NOTCH1: variants seen among roughly 807,000 people sequenced by gnomAD.
NOTCH1 encodes notch receptor 1, also known as neurogenic locus notch homolog protein 1.
Under a neutral mutation model 254.8 loss-of-function variants are expected in NOTCH1, and 37 were observed. That is an observed-to-expected ratio of 0.15 (90% confidence interval 0.11 to 0.19). NOTCH1 has a LOEUF of 0.19. Ranked by LOEUF, NOTCH1 falls within the 10% of genes least tolerant of loss-of-function variation. NOTCH1 has a pLI of 1.00. For synonymous variants in NOTCH1, 1,731 were observed against 1,618.1 expected (o/e 1.07, Z -1.68); for missense variants, 2,972 against 3,708.6 (o/e 0.80, Z 5.16).
rs375190395 is a variant in NOTCH1 at position 136,507,962 on chromosome 9, G to A, written c.3503C>T (p.Ser1168Phe). ...CCTAGGAGGGACCCCCACCTTGCAGGAGTAGCCGCCCAGGTAGTCCGTGCA... is the reference window on the plus strand; with the variant it reads ...CCTAGGAGGGACCCCCACCTTGCAGAAGTAGCCGCCCAGGTAGTCCGTGCA... ...ATCTDYLGGY[S>F]CKCVAGYHGV... The change falls in exon 21 of 34, where the codon TCC becomes TTC. Residue 1168 changes from serine (S) to phenylalanine (F), a missense_variant. By Grantham distance (155) the Ser-to-Phe change is radical. Transcript: ENST00000651671. The A allele has an allele frequency of 4.3e-6, 7 of 1,612,442 alleles. No homozygotes were observed. In the East Asian group the frequency reaches 6.7e-5, roughly 15 times the overall value.
Position 136,518,228 on chromosome 9 carries a change from G to A in NOTCH1, c.1164C>T (p.Asp388=), listed in dbSNP as rs1436323221. The A allele has an allele frequency of 6.2e-7, 1 of 1,609,906 alleles. No individual in the cohort carries two copies. Among genetic ancestry groups the A allele is most frequent in the Non-Finnish European group, 8.5e-7 (1 of 1,178,714 alleles). The change falls in exon 7 of 34, where the codon GAC becomes GAT. Residue 388 remains aspartate, a synonymous_variant. Transcript: ENST00000651671. Reference sequence around the variant, plus strand: ...TGGCCTTGCCATTGACAGGGTTGGTGTCGCAGTTGGAGCCCTCGTTACAGG... The same window carrying A: ...TGGCCTTGCCATTGACAGGGTTGGTATCGCAGTTGGAGCCCTCGTTACAGG... ...SNPCNEGSNC[D]TNPVNGKAIC...
Position 136,523,739 on chromosome 9 carries a change from G to A in NOTCH1, c.381C>T (p.Cys127=), listed in dbSNP as rs1296283799. The change falls in exon 3 of 34, where the codon TGC becomes TGT. Residue 127 remains cysteine (C), a synonymous_variant. Coordinates refer to ENST00000651671, the MANE Select transcript of NOTCH1 (RefSeq NM_017617.5). ...CACCTGACCAGCCGGGCGGGCAGCG[G>A]CACTTGTACTCCGTCAGCGTGAGCA... ...CDLLTLTEYK[C]RCPPGWSGKS... The A allele has an allele frequency of 6.2e-7, 1 of 1,609,558 alleles. No homozygotes were observed. Among genetic ancestry groups the A allele is most frequent in the African/African-American group, 1.3e-5 (1 of 75,008 alleles).
intron 31 of NOTCH1, among the ~76,000 whole-genome samples, chr9:136,499,484 A>G (rs1378441308): frequency 6.6e-6 from 1 of 152,234 alleles, no homozygotes; most frequent in Non-Finnish European, 1.5e-5. Flanking sequence ...CCTTGGTGAC[A>G]GTGGGATCCA....
chr9:136,515,700 G>A lies in NOTCH1; in HGVS notation c.1686C>T (p.His562=), dbSNP rs1843256256. The change falls in exon 11 of 34, where the codon CAC becomes CAT. Residue 562 remains histidine, a synonymous_variant. Coordinates refer to ENST00000651671, the MANE Select transcript of NOTCH1 (RefSeq NM_017617.5). The stretch of plus-strand genomic sequence containing the variant: ...CGCACTCATCGATGTCCACCTCGCA[G>A]TGCGTCCCCGTGTACCCTGGACCGT... ...CVCTEGYTGT[H]CEVDIDECDP... The A allele has an allele frequency of 1.3e-6, 2 of 1,542,210 alleles. No individual in the cohort carries two copies. Among genetic ancestry groups the A allele is most frequent in the East Asian group, 4.9e-5 (2 of 41,224 alleles).
Position 136,522,838 on chromosome 9 carries a change from G to A in NOTCH1, c.742+12C>T, listed in dbSNP as rs1303732934. On this transcript the variant is annotated intron_variant, in intron 4 of 33. Coordinates refer to ENST00000651671, the MANE Select transcript of NOTCH1 (RefSeq NM_017617.5). ...GAGGGGCTCGTGCACCCCGGCCAGC[G>A]GGCAGCACTACCTGGCAGGCAGGCA... The A allele has an allele frequency of 2.2e-5, 32 of 1,476,154 alleles. No homozygotes were observed. Among genetic ancestry groups the A allele is most frequent in the South Asian group, 9.5e-5 (7 of 73,946 alleles). 91.4% of individuals were successfully genotyped at this position (1,476,154 alleles called of 1,614,324 possible).
chr9:136,501,134 G>A (rs1304130701), intron 30 of NOTCH1, among the ~76,000 whole-genome samples: 1 of 152,244 alleles, frequency 6.6e-6, no homozygotes, highest in Non-Finnish European at 1.5e-5. Flanking sequence ...GAAGCATGCA[G>A]TTAGAAAATT....
Position 136,545,890 on chromosome 9 carries a change from C to G in NOTCH1, c.-104G>C, listed in dbSNP as rs1284333291. 2.1e-6 allele frequency: 1 copy of G among 467,812 alleles called. No homozygotes were observed. The highest frequency in any genetic ancestry group is 2.1e-5 in the African/African-American group (1 of 47,442). The allele number at this position is 467,812 out of a possible 1,614,324, so 29.0% of individuals were successfully genotyped here. A position where few individuals can be genotyped will look rare whatever the true frequency, so the allele number is the denominator to read the frequency against. On this transcript the variant is annotated 5_prime_UTR_variant, in exon 1 of 34. Coordinates refer to ENST00000651671, the MANE Select transcript of NOTCH1 (RefSeq NM_017617.5). The surrounding 1 kb of genome is among the most constrained non-coding windows in gnomAD (Gnocchi z 6.8). The stretch of plus-strand genomic sequence containing the variant: ...CGTACGGTCCCGGGGCGGCGGCGGA[C>G]GGTCCCGCCCTCTCTTCCCCGGCTG...
intron 18 of NOTCH1, among the ~76,000 whole-genome samples, chr9:136,509,385 T>G (rs142731722): frequency 2.3e-4 from 35 of 152,308 alleles, no homozygotes; most frequent in African/African-American, 7.2e-4. Flanking sequence ...CGGGAGGTAA[T>G]TACGTCAGAA....
intron 2 of NOTCH1, among the ~76,000 whole-genome samples, chr9:136,530,459 G>A (rs577119902): frequency 7.2e-5 from 11 of 152,196 alleles, no homozygotes; most frequent in Non-Finnish European, 1.5e-4. Flanking sequence ...GCATCTGACC[G>A]ACAGAAGGCC....
In NOTCH1 at chr9:136,506,726, A is replaced by G. The variant is rs1278218107; in HGVS notation, c.3891T>C (p.Ala1297=). 3.1e-6 allele frequency: 5 copies of G among 1,599,878 alleles called. No individual in the cohort carries two copies. The highest frequency in any genetic ancestry group is 4.3e-6 in the Non-Finnish European group (5 of 1,173,986). The change falls in exon 23 of 34, where the codon GCT becomes GCC. Residue 1297 remains alanine, a synonymous_variant. Coordinates refer to ENST00000651671, the MANE Select transcript of NOTCH1 (RefSeq NM_017617.5). This position sits in a 1 kb window ranked among gnomAD's most constrained non-coding sequence, Gnocchi z 4.5. ...RVNDFHCECR[A]GHTGRRCESV... ...GGGCGCGGCACCCACCGGTGTGACC[A>G]GCACGGCACTCGCAGTGGAAGTCAT...
In NOTCH1 at chr9:136,506,304, G is replaced by A. The variant is rs1430768134; in HGVS notation, c.4014+223C>T. 1.3e-5 allele frequency among the ~76,000 whole-genome samples: 2 copies of A among 151,908 alleles called. No individual in the cohort carries two copies. Among genetic ancestry groups the A allele is most frequent in the African/African-American group, 2.4e-5 (1 of 41,292 alleles). On this transcript the variant is annotated intron_variant, in intron 24 of 33. Coordinates refer to ENST00000651671, the MANE Select transcript of NOTCH1 (RefSeq NM_017617.5). The surrounding 1 kb of genome is among the most constrained non-coding windows in gnomAD (Gnocchi z 4.5). ...GCTAACCAGGGGAACTGCGTGCAGG[G>A]GACAGCCACCCCAGGGAGTCTACTT...
In NOTCH1 at chr9:136,505,885, C is replaced by T. The variant is rs2133341342; in HGVS notation, c.4015-4G>A. 1 of 1,584,438 alleles carries T rather than the reference C, an allele frequency of 6.3e-7. No individual in the cohort carries two copies. The highest frequency in any genetic ancestry group is 8.5e-7 in the Non-Finnish European group (1 of 1,174,130). On this transcript the variant is annotated splice_region_variant and splice_polypyrimidine_tract_variant and intron_variant, in intron 24 of 33. Coordinates refer to ENST00000651671, the MANE Select transcript of NOTCH1 (RefSeq NM_017617.5). The stretch of plus-strand genomic sequence containing the variant: ...CACACGTGGCGCCCTCGAAGCCCTG[C>T]CCGAGAGGGAAGACAGGACGGTGTC...
At chr9:136,501,388 C>G (rs192046667) in intron 30 of NOTCH1, among the ~76,000 whole-genome samples, 1 of 150,226 alleles carries the variant, frequency 6.7e-6, no homozygotes, top group Non-Finnish European at 1.5e-5. Flanking sequence ...GAGCCGAGAT[C>G]GTGCCACTGC....
In NOTCH1 at chr9:136,496,517, G is replaced by A. The variant is rs1381801448; in HGVS notation, c.7222C>T (p.Leu2408=). 6.2e-7 allele frequency: 1 copy of A among 1,604,568 alleles called. No homozygotes were observed. The change falls in exon 34 of 34, where the codon CTG becomes TTG. Residue 2408 remains leucine (L), a synonymous_variant. Coordinates refer to ENST00000651671, the MANE Select transcript of NOTCH1 (RefSeq NM_017617.5). ...QPANIQQQQS[L]QPPPPPPQPH... ...TGTGGTGGTGGTGGTGGCGGCTGCA[G>A]GCTTTGCTGCTGCTGGATGTTTGCT...
At chr9:136,539,829 G>A (rs989490530) in intron 2 of NOTCH1, among the ~76,000 whole-genome samples, 3 of 152,184 alleles carry the variant, frequency 2.0e-5, no homozygotes, top group African/African-American at 7.2e-5. Flanking sequence ...CAGACCGGGT[G>A]ACAGGAGCTA....
chr9:136,521,969 TCTC>T (rs921165805), intron 4 of NOTCH1, among the ~76,000 whole-genome samples: 2 of 150,918 alleles, frequency 1.3e-5, no homozygotes, highest in African/African-American at 4.9e-5. Flanking sequence ...TTTTCTTTTT[TCTC>T]TTCACTTTTT....
chr9:136,539,361 C>A (rs1443346874), intron 2 of NOTCH1, among the ~76,000 whole-genome samples: 1 of 152,124 alleles, frequency 6.6e-6, no homozygotes, highest in South Asian at 2.1e-4. Flanking sequence ...GTGAGACTTT[C>A]TATTTGACAC....
chr9:136,512,917 C>CT, intron 15 of NOTCH1, 104 bp downstream of exon 15: 15 of 417,912 alleles, frequency 3.6e-5, no homozygotes, highest in South Asian at 9.2e-5. Context: ...GCCCCCACCC[C>CT]TGGCCCCACC....
chr9:136,517,824 C>A lies in NOTCH1; in HGVS notation c.1369G>T (p.Val457Phe), dbSNP rs573153379. Residue 457 changes from valine (V) to phenylalanine (F), a missense_variant, in exon 8 of 34, where the codon GTC becomes TTC. Val to Phe is a conservative substitution (Grantham distance 50). Coordinates refer to ENST00000651671, the MANE Select transcript of NOTCH1 (RefSeq NM_017617.5). ...GCGTCGTTCTGGCACGGGTTCGAGA[C>A]GCACTCGTTGACGTCGATCTCGCAT... ...PRCEIDVNEC[V>F]SNPCQNDATC... 1.2e-6 allele frequency: 2 copies of A among 1,612,742 alleles called. No homozygotes were observed. Among genetic ancestry groups the A allele is most frequent in the Non-Finnish European group, 1.7e-6 (2 of 1,179,950 alleles).
Sources: gnomAD v4.1 joint callset for allele counts (sites outside exome capture counted in the v4.1 genomes callset) on GRCh38, gnomAD v4.1.1 for gene constraint, Gnocchi (gnomAD v3.1) non-coding constraint, MANE v1.5 for transcripts, NCBI Gene and HGNC (gene_info 2026-07-23, HGNC 2026-07-21) for gene names.